The following ENTREP2 variants were observed in gnomAD, a reference collection of about 807,000 sequenced individuals.
ENTREP2 encodes endosomal transmembrane epsin interactor 2, also known as protein ENTREP2.
At chr15:29,487,476 GCTCT>G in the ENTREP2 span, among the ~76,000 whole-genome samples, 8 of 152,070 alleles carry the variant, frequency 5.3e-5, no homozygotes, top group African/African-American at 9.7e-5. Context: ...CAACCCCCTC[GCTCT>G]CTCTATCATG....
the ENTREP2 span, among the ~76,000 whole-genome samples, chr15:29,658,865 T>C: frequency 6.6e-6 from 1 of 152,188 alleles, no homozygotes; most frequent in Non-Finnish European, 1.5e-5. Context: ...CCAAAGCTGT[T>C]AAATGACTAT....
the ENTREP2 span, among the ~76,000 whole-genome samples, chr15:29,334,312 C>T: frequency 5.3e-5 from 8 of 152,168 alleles, no homozygotes; most frequent in African/African-American, 1.9e-4. Flanking sequence ...AACCCCCAGG[C>T]CTTCCATCGG....
At chr15:29,181,913 A>G in the ENTREP2 span, among the ~76,000 whole-genome samples, 1 of 152,158 alleles carries the variant, frequency 6.6e-6, no homozygotes, top group Admixed American at 6.5e-5. Context: ...ATCGGGAACA[A>G]GACAAGGATG....
chr15:29,359,178 G>C, the ENTREP2 span, among the ~76,000 whole-genome samples: 4 of 152,128 alleles, frequency 2.6e-5, no homozygotes, highest in Admixed American at 6.6e-5. Context: ...AAGCTGTTAT[G>C]GAAAAAAACT....
At chr15:29,454,350 G>A in the ENTREP2 span, among the ~76,000 whole-genome samples, 9 of 152,104 alleles carry the variant, frequency 5.9e-5, no homozygotes, top group East Asian at 1.9e-4. Flanking sequence ...GGTGGACAGC[G>A]TATGTCCTGA....
At chr15:29,331,674 A>C in the ENTREP2 span, among the ~76,000 whole-genome samples, 1 of 152,130 alleles carries the variant, frequency 6.6e-6, no homozygotes, top group African/African-American at 2.4e-5. Flanking sequence ...TAATCCACCA[A>C]CCAAAAATGC....
chr15:29,507,412 A>C, the ENTREP2 span, among the ~76,000 whole-genome samples: 2 of 152,220 alleles, frequency 1.3e-5, no homozygotes, highest in Non-Finnish European at 2.9e-5. Flanking sequence ...CAGACCTAAT[A>C]GACATCTACA....
the ENTREP2 span, among the ~76,000 whole-genome samples, chr15:29,563,801 C>T: frequency 2.6e-5 from 4 of 151,636 alleles, no homozygotes; most frequent in African/African-American, 9.7e-5. Context: ...TGCTTCATTG[C>T]ACTCCAGCCT....
chr15:29,332,989 T>A, the ENTREP2 span, among the ~76,000 whole-genome samples: 2 of 148,096 alleles, frequency 1.4e-5, no homozygotes, highest in African/African-American at 5.0e-5. Context: ...CCCTTTATAC[T>A]CGGACTTTAA....
the ENTREP2 span, among the ~76,000 whole-genome samples, chr15:29,652,588 C>CT: frequency 6.6e-6 from 1 of 152,246 alleles, no homozygotes; most frequent in African/African-American, 2.4e-5. Context: ...CTGTGACTCC[C>CT]TCTTTGAGGC....
At chr15:29,643,764 G>A in the ENTREP2 span, among the ~76,000 whole-genome samples, 4 of 146,342 alleles carry the variant, frequency 2.7e-5, no homozygotes, top group Non-Finnish European at 6.0e-5. Context: ...CTGGGTGACG[G>A]AGCGAGACTC....
chr15:29,524,358 A>G, the ENTREP2 span, among the ~76,000 whole-genome samples: 4 of 152,336 alleles, frequency 2.6e-5, no homozygotes, highest in East Asian at 7.7e-4. Flanking sequence ...GTAATAAAAA[A>G]AACTAGAAAA....
the ENTREP2 span, among the ~76,000 whole-genome samples, chr15:29,158,986 T>G: frequency 1.3e-5 from 2 of 152,094 alleles, no homozygotes; most frequent in Non-Finnish European, 2.9e-5. Flanking sequence ...GCAATGACAA[T>G]GTACATACAT....
chr15:29,513,950 G>A, the ENTREP2 span, among the ~76,000 whole-genome samples: 1 of 152,190 alleles, frequency 6.6e-6, no homozygotes, highest in Non-Finnish European at 1.5e-5. Context: ...ACATTCTAGA[G>A]GGGAGAGACC....
chr15:29,247,483 T>TA, the ENTREP2 span, among the ~76,000 whole-genome samples: 80 of 152,136 alleles, frequency 5.3e-4, 1 homozygote, highest in Non-Finnish European at 9.8e-4. Context: ...TGTATAAAAA[T>TA]AGATTATAAA....
chr15:29,196,310 G>T, the ENTREP2 span: 1 of 1,058,576 alleles, frequency 9.4e-7, no homozygotes, highest in Non-Finnish European at 1.4e-6. Context: ...ATTCCCTCTT[G>T]CACTGAACCT....
the ENTREP2 span, among the ~76,000 whole-genome samples, chr15:29,520,677 T>C: frequency 6.6e-6 from 1 of 152,180 alleles, no homozygotes; most frequent in Non-Finnish European, 1.5e-5. Flanking sequence ...AAGTATTTTA[T>C]GAAAACCTAC....
the ENTREP2 span, among the ~76,000 whole-genome samples, chr15:29,354,492 G>A: frequency 6.6e-6 from 1 of 152,156 alleles, no homozygotes; most frequent in African/African-American, 2.4e-5. Context: ...CACATTCACA[G>A]CTCAATTAAG....
the ENTREP2 span, among the ~76,000 whole-genome samples, chr15:29,584,829 T>C: frequency 1.3e-5 from 2 of 152,218 alleles, no homozygotes; most frequent in Non-Finnish European, 2.9e-5. Flanking sequence ...ACACAAAGAA[T>C]GGTAATTATG....
Sources: gnomAD v4.1 joint callset for allele counts (sites outside exome capture counted in the v4.1 genomes callset) on GRCh38, gnomAD v4.1.1 for gene constraint, MANE v1.5 for transcripts, NCBI Gene and HGNC (gene_info 2026-07-23, HGNC 2026-07-21) for gene names.